Variants in AK5 observed in about 807,000 individuals in gnomAD.
The protein encoded by AK5 is adenylate kinase 5.
A neutral mutation model predicts 69.5 loss-of-function variants in AK5; 27 were observed. The observed-to-expected ratio is 0.39, with a 90% CI of 0.29 to 0.54. The LOEUF is 0.54. Ranked by LOEUF, AK5 falls within the 20% of genes least tolerant of loss-of-function variation. The pLI is 0.71. For synonymous variants in AK5, 260 were observed against 244.4 expected (o/e 1.06, Z -0.60); for missense variants, 531 against 700.4 (o/e 0.76, Z 2.73).
chr1:77,399,508 G>C (rs539897461), intron 6 of AK5, among the ~76,000 whole-genome samples: 1 of 152,182 alleles, frequency 6.6e-6, no homozygotes, highest in Non-Finnish European at 1.5e-5. Context: ...CTCAGTCAAA[G>C]GGGATAGGGG....
At chr1:77,367,569 A>ATATATATAATATATATGT (rs1646980413) in intron 6 of AK5, among the ~76,000 whole-genome samples, 3 of 31,628 alleles carry the variant, frequency 9.5e-5, no homozygotes, top group African/African-American at 2.9e-4. Flanking sequence ...ATATATATAT[A>ATATATATAATATATATGT]TATATATATA....
chr1:77,284,536 C>A (rs1172174236), intron 1 of AK5, among the ~76,000 whole-genome samples: 1 of 152,196 alleles, frequency 6.6e-6, no homozygotes, highest in Non-Finnish European at 1.5e-5. Flanking sequence ...TATGGGATAT[C>A]TCTGGTACGT....
At chr1:77,289,840 G>T (rs966920696) in intron 2 of AK5, among the ~76,000 whole-genome samples, 2 of 136,416 alleles carry the variant, frequency 1.5e-5, no homozygotes, top group Non-Finnish European at 3.0e-5. Flanking sequence ...TCCAGCCTGG[G>T]CGACACAGAG....
In AK5 at chr1:77,384,972, T is replaced by C. The variant is rs139414304; in HGVS notation, c.892-26009T>C. Among the ~76,000 whole-genome samples the C allele has an allele frequency of 4.8e-3, 733 of 152,178 alleles. 4 individuals carry two copies. The highest frequency in any genetic ancestry group is 0.017 in the African/African-American group (701 of 41,504). On this transcript the variant is annotated intron_variant, in intron 6 of 13. Coordinates refer to ENST00000354567, the MANE Select transcript of AK5 (RefSeq NM_174858.3). Reference sequence around the variant, plus strand: ...AGTCCTAGCTCTGCCCCTTACTAGATGTAGAACAGTAAGTTTAACTCTTAA... The same window carrying C: ...AGTCCTAGCTCTGCCCCTTACTAGACGTAGAACAGTAAGTTTAACTCTTAA...
intron 5 of AK5, among the ~76,000 whole-genome samples, chr1:77,313,280 C>T (rs552233057): frequency 6.6e-6 from 1 of 152,194 alleles, no homozygotes; most frequent in South Asian, 2.1e-4. Flanking sequence ...CTTAAAGCCA[C>T]CAGCAGGCAA....
chr1:77,418,758 A>G (rs1407915360), intron 8 of AK5, among the ~76,000 whole-genome samples: 1 of 151,690 alleles, frequency 6.6e-6, no homozygotes, highest in Non-Finnish European at 1.5e-5. Context: ...TTTAACTAAT[A>G]TTCATCACAA....
chr1:77,372,919 T>C (rs534458632), intron 6 of AK5, among the ~76,000 whole-genome samples: 37 of 152,340 alleles, frequency 2.4e-4, no homozygotes, highest in African/African-American at 8.9e-4. Flanking sequence ...CCTTGTATTC[T>C]ATTATAGGGA....
chr1:77,480,968 G>C (rs1320706735), intron 8 of AK5, among the ~76,000 whole-genome samples: 1 of 152,174 alleles, frequency 6.6e-6, no homozygotes, highest in African/African-American at 2.4e-5. Flanking sequence ...CAAAGATGTG[G>C]TCCTGGCTCC....
intron 10 of AK5, among the ~76,000 whole-genome samples, chr1:77,492,130 A>G (rs533012594): frequency 2.5e-4 from 38 of 152,374 alleles, no homozygotes; most frequent in Non-Finnish European, 4.4e-4. Context: ...TTCCCAAAAC[A>G]AAAGCAAAAA....
chr1:77,496,340 A>G (rs1438262018), intron 10 of AK5, among the ~76,000 whole-genome samples: 3 of 152,230 alleles, frequency 2.0e-5, no homozygotes, highest in Admixed American at 1.3e-4. Flanking sequence ...CTGTGATCCC[A>G]GGAGAGATAG....
chr1:77,487,881 G>C (rs527861413), intron 10 of AK5, among the ~76,000 whole-genome samples: 9 of 152,330 alleles, frequency 5.9e-5, no homozygotes, highest in Non-Finnish European at 1.2e-4. Context: ...AGGAGTCACA[G>C]AGCTGCCATC....
At chr1:77,385,308 C>T (rs534605184) in intron 6 of AK5, among the ~76,000 whole-genome samples, 78 of 152,020 alleles carry the variant, frequency 5.1e-4, no homozygotes, top group African/African-American at 1.8e-3. Context: ...TACAGGTGCC[C>T]GCCACCACGC....
chr1:77,504,440 TA>T (rs1372019696), intron 10 of AK5, among the ~76,000 whole-genome samples: 61 of 66,318 alleles, frequency 9.2e-4, no homozygotes, highest in East Asian at 8.9e-3. Flanking sequence ...TGTATATATA[TA>T]TTTTTTTTAA....
chr1:77,371,619 C>T (rs1431193491), intron 6 of AK5, among the ~76,000 whole-genome samples: 1 of 152,156 alleles, frequency 6.6e-6, no homozygotes, highest in Non-Finnish European at 1.5e-5. Context: ...ACCTCTGACT[C>T]AGCTGACACT....
At chr1:77,291,707 T>C (rs1235639222) in intron 2 of AK5, among the ~76,000 whole-genome samples, 2 of 152,232 alleles carry the variant, frequency 1.3e-5, no homozygotes, top group Admixed American at 6.5e-5. Context: ...CCAAGCACAG[T>C]TCTAGATCCC....
At chr1:77,291,226 A>G (rs1658668109) in intron 2 of AK5, among the ~76,000 whole-genome samples, 1 of 152,194 alleles carries the variant, frequency 6.6e-6, no homozygotes. Flanking sequence ...ATCCTTTTAG[A>G]CTTGAAACCT....
chr1:77,310,729 A>C (rs1659902521), intron 5 of AK5, among the ~76,000 whole-genome samples: 1 of 151,846 alleles, frequency 6.6e-6, no homozygotes, highest in East Asian at 1.9e-4. Flanking sequence ...CTTCTTTATA[A>C]ATTTTAGTAT....
At chr1:77,549,793 G>A (rs1327149799) in intron 13 of AK5, among the ~76,000 whole-genome samples, 3 of 152,052 alleles carry the variant, frequency 2.0e-5, no homozygotes, top group Non-Finnish European at 4.4e-5. Flanking sequence ...TCTTATAGCT[G>A]AATAGTACTC....
intron 5 of AK5, among the ~76,000 whole-genome samples, chr1:77,313,573 C>T (rs1287419023): frequency 1.3e-5 from 2 of 152,060 alleles, no homozygotes; most frequent in African/African-American, 2.4e-5. Flanking sequence ...AGCAGCTTCC[C>T]TCCCTCCCTA....
Sources: gnomAD v4.1 joint callset for allele counts (sites outside exome capture counted in the v4.1 genomes callset) on GRCh38, gnomAD v4.1.1 for gene constraint, MANE v1.5 for transcripts, NCBI Gene and HGNC (gene_info 2026-07-23, HGNC 2026-07-21) for gene names.